LSAMP: variants seen among roughly 807,000 people sequenced by gnomAD.
LSAMP encodes limbic system associated membrane protein, also known as limbic system-associated membrane protein.
In LSAMP, 7 loss-of-function variants were observed where a neutral mutation model predicts 38.6. The observed-to-expected ratio is 0.18, with a 90% CI of 0.10 to 0.34. LSAMP has a LOEUF of 0.34. Among genes scored for constraint, LSAMP ranks in the 10% least tolerant of loss-of-function variants. The probability of loss-of-function intolerance (pLI) is 1.00; values close to 1 mark genes in which losing one functional copy is unlikely to be tolerated. For missense variants in LSAMP, 313 were observed against 420.0 expected (o/e 0.75, Z 2.23); for synonymous variants, 154 against 166.8 (o/e 0.92, Z 0.59).
chr3:116,441,298 A>C (rs1273529423), intron 1 of LSAMP, among the ~76,000 whole-genome samples: 1 of 152,214 alleles, frequency 6.6e-6, no homozygotes, highest in Non-Finnish European at 1.5e-5. Context: ...TAAAATCACA[A>C]GTGTGAAGTC....
At chr3:115,812,342 T>C (rs1395080615) in intron 6 of LSAMP, among the ~76,000 whole-genome samples, 3 of 152,188 alleles carry the variant, frequency 2.0e-5, no homozygotes, top group Admixed American at 2.0e-4. Context: ...TTCAGGTTCA[T>C]GCATTTCATG....
At chr3:115,907,046 C>T (rs1272355883) in intron 3 of LSAMP, among the ~76,000 whole-genome samples, 2 of 152,098 alleles carry the variant, frequency 1.3e-5, no homozygotes, top group Non-Finnish European at 2.9e-5. Context: ...AAAAACTGCA[C>T]CAGTCAGTTG....
rs563139152 is a variant in LSAMP at position 115,930,641 on chromosome 3, C to T, written c.515-78024G>A. Reference sequence around the variant, plus strand: ...AACTTCTGGATCATCCAACAGCCTACAATCCAAATGAAACATGCACCTGTA... The same window carrying T: ...AACTTCTGGATCATCCAACAGCCTATAATCCAAATGAAACATGCACCTGTA... On this transcript the variant is annotated intron_variant, in intron 3 of 6. Transcript: ENST00000490035. Among the ~76,000 whole-genome samples the T allele has an allele frequency of 6.5e-4, 99 of 152,296 alleles. 1 individual carries two copies. The highest frequency in any genetic ancestry group is 2.3e-3 in the African/African-American group (96 of 41,570).
At chr3:115,960,815 CA>C (rs901976637) in intron 3 of LSAMP, among the ~76,000 whole-genome samples, 27 of 151,502 alleles carry the variant, frequency 1.8e-4, no homozygotes, top group East Asian at 1.4e-3. Flanking sequence ...AAAAGGCAAA[CA>C]AAAAAAAATC....
intron 1 of LSAMP, among the ~76,000 whole-genome samples, chr3:116,177,470 T>G (rs1470341617): frequency 6.6e-6 from 1 of 152,024 alleles, no homozygotes; most frequent in African/African-American, 2.4e-5. Flanking sequence ...ATTCAATAAA[T>G]GCAAAATAGG....
At chr3:115,820,022 C>T (rs1486982887) in intron 6 of LSAMP, among the ~76,000 whole-genome samples, 1 of 145,480 alleles carries the variant, frequency 6.9e-6, no homozygotes. Flanking sequence ...GAAATAAACA[C>T]TTTTTTTTTT....
chr3:115,952,590 G>A (rs1230292270), intron 3 of LSAMP, among the ~76,000 whole-genome samples: 1 of 152,098 alleles, frequency 6.6e-6, no homozygotes, highest in Non-Finnish European at 1.5e-5. Flanking sequence ...GAGGGTGAGA[G>A]ATAAAAGACC....
rs141972647 is a variant in LSAMP, at chr3:116,427,905, C to G, written c.155+16972G>C. Among the ~76,000 whole-genome samples the G allele has an allele frequency of 1.5e-3, 222 of 152,310 alleles. 3 individuals are homozygous for G. The highest frequency in any genetic ancestry group is 0.012 in the Admixed American group (190 of 15,288). ...GTTCCCAGGTAACTCAGAGCATTCT[C>G]TTAATCAGGTCCTCAGAGTCACTTG... On this transcript the variant is annotated intron_variant, in intron 1 of 6. Transcript: ENST00000490035.
At chr3:115,979,160 A>G (rs1284020196) in intron 3 of LSAMP, among the ~76,000 whole-genome samples, 1 of 152,056 alleles carries the variant, frequency 6.6e-6, no homozygotes, top group Non-Finnish European at 1.5e-5. Context: ...GCACAGATAG[A>G]GAGACTAGAC....
chr3:116,004,554 GCATATATATATATA>G (rs1337038711), intron 3 of LSAMP, among the ~76,000 whole-genome samples: 4 of 147,364 alleles, frequency 2.7e-5, no homozygotes, highest in East Asian at 2.0e-4. Flanking sequence ...ACACGTAGGT[GCATATATATATATA>G]CATATATATA....
At chr3:116,317,194 A>C (rs2047640401) in intron 1 of LSAMP, among the ~76,000 whole-genome samples, 1 of 152,068 alleles carries the variant, frequency 6.6e-6, no homozygotes, top group African/African-American at 2.4e-5. Context: ...GCTCTTCACA[A>C]TAAATCTTGC....
chr3:115,890,951 T>C (rs1936582936), intron 3 of LSAMP, among the ~76,000 whole-genome samples: 1 of 151,914 alleles, frequency 6.6e-6, no homozygotes, highest in Non-Finnish European at 1.5e-5. Context: ...ACCGACATTT[T>C]CCATGTGTGC....
At chr3:116,334,807 C>T (rs559783250) in intron 1 of LSAMP, among the ~76,000 whole-genome samples, 4 of 152,060 alleles carry the variant, frequency 2.6e-5, no homozygotes, top group African/African-American at 7.2e-5. Flanking sequence ...AGACTGAAAG[C>T]TTTTCCTGTG....
At chr3:115,882,574 C>T (rs1320179229) in intron 3 of LSAMP, among the ~76,000 whole-genome samples, 1 of 152,054 alleles carries the variant, frequency 6.6e-6, no homozygotes, top group Admixed American at 6.6e-5. Flanking sequence ...CCCATAGACT[C>T]ATATTTGAAA....
intron 1 of LSAMP, among the ~76,000 whole-genome samples, chr3:116,139,124 C>T (rs897117644): frequency 6.6e-6 from 1 of 151,818 alleles, no homozygotes; most frequent in African/African-American, 2.4e-5. Flanking sequence ...TAGGAATCTG[C>T]TCATAATTCT....
At chr3:116,430,960 T>C (rs1485261840) in intron 1 of LSAMP, among the ~76,000 whole-genome samples, 1 of 152,102 alleles carries the variant, frequency 6.6e-6, no homozygotes, top group Admixed American at 6.5e-5. Flanking sequence ...GAATGAGATT[T>C]GGTATAATCA....
intron 2 of LSAMP, among the ~76,000 whole-genome samples, chr3:116,056,018 T>G (rs889674894): frequency 6.6e-6 from 1 of 152,172 alleles, no homozygotes; most frequent in East Asian, 1.9e-4. Flanking sequence ...GCAGCTTCAT[T>G]AAGCCTGGAG....
At chr3:115,925,177 G>A (rs1465627329) in intron 3 of LSAMP, among the ~76,000 whole-genome samples, 1 of 152,132 alleles carries the variant, frequency 6.6e-6, no homozygotes, top group Non-Finnish European at 1.5e-5. Context: ...TTTTTGGAGA[G>A]TGTAGAGGGA....
intron 3 of LSAMP, among the ~76,000 whole-genome samples, chr3:115,990,531 C>T (rs372793394): frequency 2.6e-5 from 4 of 152,022 alleles, no homozygotes; most frequent in East Asian, 1.9e-4. Flanking sequence ...TTCTTTCTAG[C>T]CATCTATTAA....
Sources: allele counts gnomAD v4.1 joint callset (sites outside exome capture counted in the v4.1 genomes callset), GRCh38; gene constraint gnomAD v4.1.1; transcripts MANE v1.5; gene names NCBI Gene and HGNC (gene_info 2026-07-23, HGNC 2026-07-21).